The following GPM6B variants were observed in gnomAD, a reference collection of about 807,000 sequenced individuals.
GPM6B encodes the protein neuronal membrane glycoprotein M6-b.
GPM6B carries 4 observed loss-of-function variants against 27.2 expected under a neutral mutation model. The ratio of observed to expected loss-of-function variants is 0.15; its 90% CI spans 0.07 to 0.34. The LOEUF (loss-of-function observed/expected upper bound fraction) is 0.34. Ranked by LOEUF, GPM6B falls within the 10% of genes least tolerant of loss-of-function variation. The pLI, the probability that GPM6B is intolerant of heterozygous loss-of-function variation, is 1.00. For synonymous variants in GPM6B, 124 were observed against 103.1 expected (o/e 1.20, Z -1.23); for missense variants, 183 against 261.9 (o/e 0.70, Z 2.08).
In GPM6B at chrX:13,822,434, C is replaced by T. The variant is rs1005188446; in HGVS notation, c.-197-36626G>A. On this transcript the variant is annotated intron_variant, in intron 1 of 6. Coordinates refer to the GPM6B transcript ENST00000398361. ...AGGCTGGAGTACAGTGGTGCAATCTCGGCTCACTGTAACCTCTGCCTCCCA... is the reference window on the plus strand; with the variant it reads ...AGGCTGGAGTACAGTGGTGCAATCTTGGCTCACTGTAACCTCTGCCTCCCA... 7.3e-5 allele frequency among the ~76,000 whole-genome samples: 8 copies of T among 110,255 alleles called. No homozygotes were observed. In the South Asian group the frequency reaches 1.5e-3, roughly 21 times the overall value.
intron 1 of GPM6B, among the ~76,000 whole-genome samples, chrX:13,856,291 A>G (rs764530148): frequency 1.8e-5 from 2 of 111,976 alleles, no homozygotes; most frequent in Non-Finnish European, 3.8e-5. Flanking sequence ...ACAATATTTT[A>G]GTAATGATGA....
At chrX:13,795,152 T>C (rs2048786688) in intron 2 of GPM6B, among the ~76,000 whole-genome samples, 1 of 112,294 alleles carries the variant, frequency 8.9e-6, no homozygotes, top group Non-Finnish European at 1.9e-5. Context: ...TTTTTTGACA[T>C]GGTTTAATTA....
At chrX:13,879,394 C>T (rs1230316637) in intron 1 of GPM6B, among the ~76,000 whole-genome samples, 3 of 112,008 alleles carry the variant, frequency 2.7e-5, no homozygotes, top group Admixed American at 1.9e-4. Context: ...AAATACAATG[C>T]TGCTGGTTGT....
At chrX:13,868,625 T>C (rs981935375) in intron 1 of GPM6B, among the ~76,000 whole-genome samples, 1 of 112,402 alleles carries the variant, frequency 8.9e-6, no homozygotes, top group African/African-American at 3.2e-5. Flanking sequence ...CATAAGAGTT[T>C]TTCTTTACCC....
chrX:13,786,352 T>C (rs1234125404), intron 2 of GPM6B, among the ~76,000 whole-genome samples: 1 of 112,142 alleles, frequency 8.9e-6, no homozygotes, highest in Non-Finnish European at 1.9e-5. Flanking sequence ...ACAGCAATTA[T>C]GCCGTCGCCA....
rs748932822 is a variant in GPM6B at position 13,771,173 on chromosome X, GACT to G, written c.*1705_*1707del. 1.1e-3 allele frequency: 128 copies of G among 111,746 alleles called. No homozygotes were observed. Among genetic ancestry groups the G allele is most frequent in the Non-Finnish European group, 2.0e-3 (107 of 53,006 alleles). 9.2% of individuals were successfully genotyped at this position (111,746 alleles called of 1,213,427 possible). A position where few individuals can be genotyped will look rare whatever the true frequency, so the allele number is the denominator to read the frequency against. ...AATGCTCTTTACATAAAAAATATTA[GACT>G]ACTTAAACAAAACTTTCAAAAATTC... On this transcript the variant is annotated 3_prime_UTR_variant, in exon 8 of 8. Coordinates refer to ENST00000316715, the MANE Select transcript of GPM6B (RefSeq NM_001001995.3).
rs1555926580 is a variant in GPM6B, at chrX:13,886,719, T to TGAA, written c.-198+51607_-198+51608insTTC. On this transcript the variant is annotated intron_variant, in intron 1 of 6. Coordinates refer to the GPM6B transcript ENST00000398361. ...ACCTCTCTCTACCTTAAGTCACTAC[T>TGAA]AAAAAAAAAAAAAAAAAAAAAAATC... Among the ~76,000 whole-genome samples the TGAA allele has an allele frequency of 8.5e-5, 3 of 35,106 alleles. 1 individual carries two copies. Among genetic ancestry groups the TGAA allele is most frequent in the African/African-American group, 5.8e-4 (3 of 5,147 alleles). 30.5% of individuals were successfully genotyped at this position (35,106 alleles called of 115,157 possible).
intron 1 of GPM6B, among the ~76,000 whole-genome samples, chrX:13,842,449 A>G (rs761786817): frequency 2.1e-4 from 23 of 111,779 alleles, no homozygotes; most frequent in African/African-American, 7.2e-4. Context: ...TAGAAACACT[A>G]AGTAGTTCTC....
At chrX:13,819,502 C>T (rs2049284411), upstream of GPM6B, among the ~76,000 whole-genome samples, 1 of 111,762 alleles carries the variant, frequency 8.9e-6, no homozygotes, top group Admixed American at 9.5e-5. Flanking sequence ...CTTCTGAAAG[C>T]CAAAACAGGA....
intron 1 of GPM6B, among the ~76,000 whole-genome samples, chrX:13,930,508 A>G (rs941680638): frequency 9.0e-6 from 1 of 111,177 alleles, no homozygotes; most frequent in African/African-American, 3.3e-5. Flanking sequence ...CAGCTACTCG[A>G]GAGACTGAGG....
At chrX:13,864,814 T>C (rs1165759036) in intron 1 of GPM6B, among the ~76,000 whole-genome samples, 2 of 111,122 alleles carry the variant, frequency 1.8e-5, no homozygotes, top group Non-Finnish European at 3.8e-5. Context: ...AAAGTACAGG[T>C]CCCCACTTAT....
chrX:13,913,445 G>A (rs1164359753), intron 1 of GPM6B, among the ~76,000 whole-genome samples: 1 of 111,205 alleles, frequency 9.0e-6, no homozygotes, highest in Non-Finnish European at 1.9e-5. Flanking sequence ...AAGCCACCAT[G>A]CCCAGCCTCC....
chrX:13,902,572 C>G (rs1018396668), intron 1 of GPM6B, among the ~76,000 whole-genome samples: 10 of 110,844 alleles, frequency 9.0e-5, no homozygotes, highest in African/African-American at 1.3e-4. Context: ...GCTCCTCAGT[C>G]CAGCACTCTT....
At chrX:13,817,455 T>G (rs929692454), upstream of GPM6B, 5 of 486,146 alleles carry the variant, frequency 1.0e-5, no homozygotes, top group Admixed American at 8.9e-5. Flanking sequence ...ACCACGTGAC[T>G]TTGTTGGTCG....
At position 13,842,468 on chromosome X, in the gene GPM6B, CCT is replaced by C. The variant is rs1420937895; in HGVS notation, c.-197-56662_-197-56661del. Among the ~76,000 whole-genome samples, 4 of 111,529 alleles carry C rather than the reference CCT, an allele frequency of 3.6e-5. No individual in the cohort carries two copies. The Admixed American group carries it at 3.8e-4, about 11-fold the overall frequency. Reference sequence around the variant, plus strand: ...AACACTAAGTAGTTCTCAATTTCCCCCTGTGGTTTATGAAGCCCAGGGGCCCC... The same window carrying C: ...AACACTAAGTAGTTCTCAATTTCCCCGTGGTTTATGAAGCCCAGGGGCCCC... On this transcript the variant is annotated intron_variant, in intron 1 of 6. Coordinates refer to the GPM6B transcript ENST00000398361.
At chrX:13,779,577 T>G (rs1386671996) in intron 5 of GPM6B, among the ~76,000 whole-genome samples, 2 of 112,003 alleles carry the variant, frequency 1.8e-5, no homozygotes, top group South Asian at 3.7e-4. Flanking sequence ...AAGAAAAGCT[T>G]CTTTCACTAC....
chrX:13,796,489 C>T (rs182127919), intron 2 of GPM6B, among the ~76,000 whole-genome samples: 1 of 112,271 alleles, frequency 8.9e-6, no homozygotes, highest in Non-Finnish European at 1.9e-5. Context: ...GTTCTGTGAA[C>T]CACTAATATA....
At chrX:13,801,787 C>G (rs1236686630) in intron 2 of GPM6B, among the ~76,000 whole-genome samples, 1 of 111,572 alleles carries the variant, frequency 9.0e-6, no homozygotes, top group Non-Finnish European at 1.9e-5. Flanking sequence ...ACCAGCCTGA[C>G]ATTTCACCCC....
At chrX:13,819,846 T>G (rs2049287704), upstream of GPM6B, among the ~76,000 whole-genome samples, 1 of 112,114 alleles carries the variant, frequency 8.9e-6, no homozygotes, top group African/African-American at 3.2e-5. Flanking sequence ...GAAAAAAGCT[T>G]TGCAGAGTTG....
Sources: allele counts gnomAD v4.1 joint callset (sites outside exome capture counted in the v4.1 genomes callset), GRCh38; gene constraint gnomAD v4.1.1; transcripts MANE v1.5; gene names NCBI Gene and HGNC (gene_info 2026-07-23, HGNC 2026-07-21).